Variants in TTC7A observed in about 807,000 individuals in gnomAD.
TTC7A encodes tetratricopeptide repeat protein 7A.
In TTC7A, 110 loss-of-function variants were observed where a neutral mutation model predicts 103.7. The observed-to-expected ratio is 1.06, with a 90% CI of 0.91 to 1.24. The LOEUF is 1.24. Among genes scored for constraint, TTC7A ranks in the 50% most tolerant of loss-of-function variants. The pLI is 0.00. For missense variants in TTC7A, 1,340 were observed against 1,116.3 expected (o/e 1.20, Z -2.86); for synonymous variants, 521 against 467.9 (o/e 1.11, Z -1.47).
At chr2:47,053,582 G>GGTTT (rs959954928) in intron 18 of TTC7A, among the ~76,000 whole-genome samples, 2 of 149,972 alleles carry the variant, frequency 1.3e-5, no homozygotes, top group Non-Finnish European at 3.0e-5. Flanking sequence ...TTGGTTGGTT[G>GGTTT]GTTTTTTGAG....
chr2:46,967,242 A>G (rs904978919), intron 3 of TTC7A, among the ~76,000 whole-genome samples: 5 of 152,142 alleles, frequency 3.3e-5, no homozygotes, highest in African/African-American at 1.2e-4. Flanking sequence ...TATACATACC[A>G]TAGAATTGAC....
intron 15 of TTC7A, among the ~76,000 whole-genome samples, chr2:47,037,253 G>C (rs1306998921): frequency 1.3e-5 from 2 of 152,218 alleles, no homozygotes; most frequent in African/African-American, 2.4e-5. Flanking sequence ...CTTTGGAGCA[G>C]AGACTGGCCT....
At chr2:46,958,742 C>G (rs1672120887) in intron 3 of TTC7A, among the ~76,000 whole-genome samples, 1 of 152,182 alleles carries the variant, frequency 6.6e-6, no homozygotes, top group Non-Finnish European at 1.5e-5. Context: ...GTGCTTGAGA[C>G]CATGCACGTG....
At chr2:47,060,678 T>C (rs1260405395) in intron 18 of TTC7A, 91 bp from the exon 19 acceptor site, 2 of 1,230,754 alleles carry the variant, frequency 1.6e-6, no homozygotes, top group Non-Finnish European at 1.2e-6. Flanking sequence ...CACCTAAGAC[T>C]AGTTCCCTGG....
chr2:47,042,885 G>C, intron 15 of TTC7A, among the ~76,000 whole-genome samples: 1 of 152,300 alleles, frequency 6.6e-6, no homozygotes, highest in Non-Finnish European at 1.5e-5. Context: ...TATAAGACAG[G>C]TAAGCAAGGG....
At position 46,941,869 on chromosome 2, in the gene TTC7A, A is replaced by G; in HGVS notation, c.184+144A>G. 1 of 1,032,466 alleles carries G rather than the reference A, an allele frequency of 9.7e-7. No homozygotes were observed. The highest frequency in any genetic ancestry group is 3.2e-4 in the Middle Eastern group (1 of 3,122). 64.0% of individuals were successfully genotyped at this position (1,032,466 alleles called of 1,614,324 possible). A position where few individuals can be genotyped will look rare whatever the true frequency, so the allele number is the denominator to read the frequency against. Reference sequence around the variant, plus strand: ...AGTCTTAAGAGCAGCCAGGGCAGTTAGGAAGGTCCTTCTGCCGCGAGAGAA... The same window carrying G: ...AGTCTTAAGAGCAGCCAGGGCAGTTGGGAAGGTCCTTCTGCCGCGAGAGAA... On this transcript the variant is annotated intron_variant, in intron 1 of 19. Coordinates refer to ENST00000319190, the MANE Select transcript of TTC7A (RefSeq NM_020458.4). This position sits in a 1 kb window ranked among gnomAD's most constrained non-coding sequence, Gnocchi z 4.2.
intron 15 of TTC7A, among the ~76,000 whole-genome samples, chr2:47,043,033 A>G (rs1303572438): frequency 6.6e-6 from 1 of 152,122 alleles, no homozygotes; most frequent in Non-Finnish European, 1.5e-5. Flanking sequence ...AGGGCCCCAG[A>G]ATGTCACCCA....
rs146342940 is a variant in TTC7A at position 47,063,882 on chromosome 2, G to C, written c.2355+2911G>C. ...CTGTGTGGGTGCTGGGTTTGGCCCT[G>C]TAGTCCTTGGAGTGGGATTGGCAAG... On this transcript the variant is annotated intron_variant, in intron 19 of 19. Coordinates refer to ENST00000319190, the MANE Select transcript of TTC7A (RefSeq NM_020458.4). Among the ~76,000 whole-genome samples the C allele has an allele frequency of 6.9e-3, 1,045 of 152,350 alleles. 18 individuals are homozygous for C. Among genetic ancestry groups the C allele is most frequent in the African/African-American group, 0.024 (1,004 of 41,574 alleles).
intron 2 of TTC7A, among the ~76,000 whole-genome samples, chr2:46,930,448 AACTT>A (rs1281255334): frequency 2.2e-4 from 34 of 151,146 alleles, no homozygotes; most frequent in African/African-American, 7.5e-4. Flanking sequence ...AAAAAAAAAA[AACTT>A]ACCAAAAATT....
At position 47,051,776 on chromosome 2, in the gene TTC7A, C is replaced by T; in HGVS notation, c.2048C>T (p.Ser683Phe). The change falls in exon 18 of 20, where the codon TCC becomes TTC. Residue 683 changes from serine (S) to phenylalanine (F), a missense_variant. Coordinates refer to ENST00000319190, the MANE Select transcript of TTC7A (RefSeq NM_020458.4). ...GSRRASSIAA[S>F]RLEEAMSELT... ...CGGCGGGCTTCGTCCATCGCCGCCT[C>T]CCGGCTGGAGGAGGCCATGTCAGAG... is the stretch of plus-strand genomic sequence containing the variant. The T allele has an allele frequency of 6.2e-7, 1 of 1,611,204 alleles. No individual in the cohort carries two copies. The highest frequency in any genetic ancestry group is 8.5e-7 in the Non-Finnish European group (1 of 1,179,608).
intron 18 of TTC7A, among the ~76,000 whole-genome samples, chr2:47,056,146 C>A (rs1351687724): frequency 6.6e-6 from 1 of 152,180 alleles, no homozygotes; most frequent in Non-Finnish European, 1.5e-5. Context: ...CCTTTGGATT[C>A]CCTGTGTTGG....
chr2:47,051,965 G>C, intron 18 of TTC7A, 85 bp downstream of exon 18: 1 of 1,483,266 alleles, frequency 6.7e-7, no homozygotes, highest in South Asian at 1.3e-5. Context: ...AAGGGAGTGT[G>C]GGGAGGTGGG....
intron 11 of TTC7A, among the ~76,000 whole-genome samples, chr2:47,014,317 G>A (rs184606866): frequency 7.5e-4 from 114 of 152,318 alleles, no homozygotes; most frequent in African/African-American, 2.7e-3. Flanking sequence ...GACCAGATGA[G>A]GGATCTGTAT....
chr2:46,989,434 T>C (rs1668080124), intron 5 of TTC7A, among the ~76,000 whole-genome samples: 1 of 152,232 alleles, frequency 6.6e-6, no homozygotes, highest in Non-Finnish European at 1.5e-5. Context: ...CACCTGGCAC[T>C]GGCAGCTTCA....
At chr2:46,970,822 G>A (rs1673288665) in intron 3 of TTC7A, among the ~76,000 whole-genome samples, 2 of 152,212 alleles carry the variant, frequency 1.3e-5, no homozygotes, top group South Asian at 2.1e-4. Context: ...CCTCCTGGTT[G>A]TGAGTCATTT....
intron 15 of TTC7A, among the ~76,000 whole-genome samples, chr2:47,030,761 G>A (rs1413417348): frequency 6.6e-6 from 1 of 152,176 alleles, no homozygotes; most frequent in Non-Finnish European, 1.5e-5. Flanking sequence ...TCACAGCCAG[G>A]TGTAAGCAGA....
intron 5 of TTC7A, among the ~76,000 whole-genome samples, chr2:46,987,976 C>T (rs192588917): frequency 6.6e-5 from 10 of 152,280 alleles, no homozygotes; most frequent in Admixed American, 3.3e-4. Context: ...CTAGTAGCCA[C>T]CTGGTATCTG....
chr2:46,991,734 A>G lies in TTC7A; in HGVS notation c.765-1716A>G, dbSNP rs1572838943. ...TGCAGTCTACAGAAGTCTGGGAGAC[A>G]CTGAGCTAAGTGAAGTCTTCATTTT... On this transcript the variant is annotated intron_variant, in intron 5 of 19. Transcript: ENST00000319190. Among the ~76,000 whole-genome samples, 3 of 152,318 alleles carry G rather than the reference A, an allele frequency of 2.0e-5. No individual in the cohort carries two copies. In the East Asian group the frequency reaches 5.8e-4, roughly 29 times the overall value.
intron 8 of TTC7A, among the ~76,000 whole-genome samples, chr2:47,001,470 C>G (rs1276090209): frequency 6.6e-6 from 1 of 152,098 alleles, no homozygotes; most frequent in Non-Finnish European, 1.5e-5. Context: ...GTGTCCTCAT[C>G]TGCAGAGGGT....
Sources: allele counts gnomAD v4.1 joint callset (sites outside exome capture counted in the v4.1 genomes callset), GRCh38; gene constraint gnomAD v4.1.1; non-coding constraint Gnocchi (gnomAD v3.1); transcripts MANE v1.5; gene names NCBI Gene and HGNC (gene_info 2026-07-23, HGNC 2026-07-21).